The following CSNK2A2 variants were observed in gnomAD, a reference collection of about 807,000 sequenced individuals.
The protein encoded by CSNK2A2 is casein kinase II subunit alpha'.
A neutral mutation model predicts 54.0 loss-of-function variants in CSNK2A2; 8 were observed. The observed-to-expected ratio is 0.15, with a 90% CI of 0.09 to 0.27. The LOEUF is 0.27. Ranked by LOEUF, CSNK2A2 falls within the 10% of genes least tolerant of loss-of-function variation. The probability of loss-of-function intolerance (pLI) is 1.00; values close to 1 mark genes in which losing one functional copy is unlikely to be tolerated. For synonymous variants in CSNK2A2, 141 were observed against 153.9 expected, an observed-to-expected ratio of 0.92 and a Z score of 0.62; for missense variants, 242 against 439.4, an observed-to-expected ratio of 0.55 and a Z score of 4.02.
Position 58,196,807 on chromosome 16 carries a change from G to C in CSNK2A2, c.142C>G (p.Arg48Gly). ...TCAAATACTTCACTATATTTTCCCC[G>C]ACCAAGTTTTCGAACCAGTTGGTAA... is the stretch of plus-strand genomic sequence containing the variant. The part of the protein sequence containing the change: ...DDYQLVRKLG[R>G]GKYSEVFEAI... Residue 48 changes from arginine (R) to glycine (G), a missense_variant, in exon 2 of 12, where the codon CGG (arginine) becomes GGG (glycine). By Grantham distance (125) the Arg-to-Gly change is moderately radical. Coordinates refer to ENST00000262506, the MANE Select transcript of CSNK2A2 (RefSeq NM_001896.4). 1 of 1,613,654 alleles carries C rather than the reference G, an allele frequency of 6.2e-7. No homozygotes were observed. Among genetic ancestry groups the C allele is most frequent in the Non-Finnish European group, 8.5e-7 (1 of 1,179,722 alleles).
chr16:58,190,024 G>C (rs762822959), intron 2 of CSNK2A2, among the ~76,000 whole-genome samples: 13 of 152,170 alleles, frequency 8.5e-5, no homozygotes, highest in Non-Finnish European at 1.6e-4. Flanking sequence ...AGGATGCCTT[G>C]ACTCTCCTGT....
intron 4 of CSNK2A2, among the ~76,000 whole-genome samples, chr16:58,177,096 C>T (rs1289621849): frequency 6.6e-6 from 1 of 152,324 alleles, no homozygotes. Context: ...TGAACTCCAA[C>T]CACATATGAA....
At position 58,185,451 on chromosome 16, in the gene CSNK2A2, C is replaced by T. The variant is rs181155086; in HGVS notation, c.319-1141G>A. Among the ~76,000 whole-genome samples the T allele has an allele frequency of 2.0e-3, 306 of 152,286 alleles. 2 individuals are homozygous for T. The highest frequency in any genetic ancestry group is 2.8e-3 in the Non-Finnish European group (189 of 68,022). On this transcript the variant is annotated intron_variant, in intron 3 of 11. Coordinates refer to ENST00000262506, the MANE Select transcript of CSNK2A2 (RefSeq NM_001896.4). ...TCTTACATATCATGTAAAACATACA[C>T]ATACTTTAACAAATTAAGTTCTGCT...
chr16:58,171,048 A>G (rs917505276), intron 5 of CSNK2A2, among the ~76,000 whole-genome samples: 1 of 152,006 alleles, frequency 6.6e-6, no homozygotes, highest in Non-Finnish European at 1.5e-5. Context: ...ATTTTGCCCA[A>G]TGTCCCCTGG....
At chr16:58,191,334 A>G (rs1443247223) in intron 2 of CSNK2A2, among the ~76,000 whole-genome samples, 7 of 152,154 alleles carry the variant, frequency 4.6e-5, no homozygotes, top group African/African-American at 1.7e-4. Context: ...TACACTTAAG[A>G]ATGGTTAAGA....
chr16:58,197,413 T>C lies in CSNK2A2; in HGVS notation c.104+220A>G, dbSNP rs771594630. ...TCTCCCCGAGTAAAAAAGCATTCCT[T>C]GGGGGAAAGGGGTGCGCAAAGCGGG... On this transcript the variant is annotated intron_variant, in intron 1 of 11. Transcript: ENST00000262506. This position sits in a 1 kb window ranked among gnomAD's most constrained non-coding sequence, Gnocchi z 4.0. 6.6e-6 allele frequency among the ~76,000 whole-genome samples: 1 copy of C among 151,850 alleles called. No homozygotes were observed. The highest frequency in any genetic ancestry group is 1.5e-5 in the Non-Finnish European group (1 of 67,908).
chr16:58,180,327 C>G (rs544106997), intron 4 of CSNK2A2, among the ~76,000 whole-genome samples: 1 of 149,772 alleles, frequency 6.7e-6, no homozygotes, highest in African/African-American at 2.4e-5. Context: ...GGCACAAATA[C>G]TACTTAAAAA....
In CSNK2A2 at chr16:58,197,555, G is replaced by T; in HGVS notation, c.104+78C>A. ...AGGGGTCGGCGGGAGACACCACCGGGCCCGAGTGCGGTTCGCAGGGGGTGG... is the reference window on the plus strand; with the variant it reads ...AGGGGTCGGCGGGAGACACCACCGGTCCCGAGTGCGGTTCGCAGGGGGTGG... On this transcript the variant is annotated intron_variant, in intron 1 of 11. Coordinates refer to ENST00000262506, the MANE Select transcript of CSNK2A2 (RefSeq NM_001896.4). This position sits in a 1 kb window ranked among gnomAD's most constrained non-coding sequence, Gnocchi z 4.0. 1 of 960,932 alleles carries T rather than the reference G, an allele frequency of 1.0e-6. No individual in the cohort carries two copies. The highest frequency in any genetic ancestry group is 1.5e-6 in the Non-Finnish European group (1 of 662,338). The allele number at this position is 960,932 out of a possible 1,614,324, so 59.5% of individuals were successfully genotyped here. A position where few individuals can be genotyped will look rare whatever the true frequency, so the allele number is the denominator to read the frequency against.
chr16:58,179,836 T>C (rs980689131), intron 4 of CSNK2A2, among the ~76,000 whole-genome samples: 2 of 152,040 alleles, frequency 1.3e-5, no homozygotes, highest in South Asian at 2.1e-4. Flanking sequence ...TCCCAGCACT[T>C]TGGGAGGCCA....
chr16:58,169,727 T>C (rs774244940), intron 5 of CSNK2A2, among the ~76,000 whole-genome samples: 4 of 152,068 alleles, frequency 2.6e-5, no homozygotes, highest in Non-Finnish European at 5.9e-5. Context: ...TTTTCCTTAA[T>C]ATAATCCCTG....
intron 10 of CSNK2A2, among the ~76,000 whole-genome samples, 165 bp downstream of exon 10, chr16:58,165,395 C>T (rs910794495): frequency 1.3e-5 from 2 of 152,188 alleles, no homozygotes; most frequent in Non-Finnish European, 2.9e-5. Flanking sequence ...GATCAAGAAA[C>T]GGATCTGCAA....
chr16:58,197,471 G>A lies in CSNK2A2; in HGVS notation c.104+162C>T, dbSNP rs1012503030. 6.6e-6 allele frequency among the ~76,000 whole-genome samples: 1 copy of A among 152,322 alleles called. No homozygotes were observed. Among genetic ancestry groups the A allele is most frequent in the East Asian group, 1.9e-4 (1 of 5,152 alleles). ...GGACGAAACGGGGGTAAAGGGGAGG[G>A]AAGAGGAAGACGAGGACATGTGCGA... On this transcript the variant is annotated intron_variant, in intron 1 of 11. Coordinates refer to ENST00000262506, the MANE Select transcript of CSNK2A2 (RefSeq NM_001896.4). This position sits in a 1 kb window ranked among gnomAD's most constrained non-coding sequence, Gnocchi z 4.0.
At position 58,167,308 on chromosome 16, in the gene CSNK2A2, T is replaced by C; in HGVS notation, c.625A>G (p.Met209Val). ...CACATGTCCAAGCTATAATCATACA[T>C]CTGAGGCAATAAGGACAACGCATTA... ...KGPELLVDYQMYDYSLDMWSL... is the reference protein window; with the variant it reads ...KGPELLVDYQVYDYSLDMWSL... The change falls in exon 8 of 12, where the codon ATG becomes GTG. Residue 209 changes from methionine to valine, a missense_variant and splice_region_variant. Around this residue, in one of 5 missense-constraint regions of CSNK2A2, gnomAD observed 40 missense variants for 128.7 expected, o/e 0.31. Coordinates refer to ENST00000262506, the MANE Select transcript of CSNK2A2 (RefSeq NM_001896.4). 2 of 1,608,222 alleles carry C rather than the reference T, an allele frequency of 1.2e-6. No homozygotes were observed. Among genetic ancestry groups the C allele is most frequent in the Non-Finnish European group, 1.7e-6 (2 of 1,176,778 alleles).
At chr16:58,162,510 G>C (rs1050247194) in intron 11 of CSNK2A2, 8 of 152,114 alleles carry the variant, frequency 5.3e-5, no homozygotes, top group African/African-American at 1.4e-4. Context: ...TCTACATTTA[G>C]AGTAGGATCT....
intron 11 of CSNK2A2, chr16:58,163,846 T>A: frequency 2.2e-6 from 1 of 445,824 alleles, no homozygotes; most frequent in South Asian, 3.7e-5. Flanking sequence ...GATCCTGAAC[T>A]AGGTGCATCC....
At chr16:58,176,319 G>A (rs1242708697) in intron 4 of CSNK2A2, among the ~76,000 whole-genome samples, 1 of 152,154 alleles carries the variant, frequency 6.6e-6, no homozygotes, top group East Asian at 1.9e-4. Context: ...CTGTATAAAT[G>A]GTGTAAGCCA....
chr16:58,165,041 T>G (rs1315314901), intron 10 of CSNK2A2, among the ~76,000 whole-genome samples: 1 of 152,172 alleles, frequency 6.6e-6, no homozygotes, highest in Non-Finnish European at 1.5e-5. Context: ...TGCAGAAGAA[T>G]AAGCAAACAC....
intron 2 of CSNK2A2, among the ~76,000 whole-genome samples, chr16:58,189,336 T>C (rs576882701): frequency 6.6e-6 from 1 of 152,302 alleles, no homozygotes; most frequent in Admixed American, 6.5e-5. Context: ...AAATTCTAGA[T>C]TTGTCATCCA....
chr16:58,174,274 C>G, intron 5 of CSNK2A2, 177 bp downstream of exon 5: 1 of 517,204 alleles, frequency 1.9e-6, no homozygotes, highest in African/African-American at 2.0e-5. Context: ...TTCCCAGTTC[C>G]ACTGGAAAGT....
Sources: gnomAD v4.1 joint callset for allele counts (sites outside exome capture counted in the v4.1 genomes callset) on GRCh38, gnomAD v4.1.1 for gene constraint, gnomAD v4.1.1 regional missense constraint, Gnocchi (gnomAD v3.1) non-coding constraint, MANE v1.5 for transcripts, NCBI Gene and HGNC (gene_info 2026-07-23, HGNC 2026-07-21) for gene names.